Variants in SEC22C observed in about 807,000 individuals in gnomAD.
The protein encoded by SEC22C is SEC22 homolog C, vesicle trafficking protein.
Under a neutral mutation model 34.7 loss-of-function variants are expected in SEC22C, and 29 were observed. That is an observed-to-expected ratio of 0.84 (90% confidence interval 0.62 to 1.14). SEC22C has a LOEUF of 1.14. Among genes scored for constraint, SEC22C ranks in the 50% most tolerant of loss-of-function variants. The probability of loss-of-function intolerance (pLI) is 0.00; values close to 1 mark genes in which losing one functional copy is unlikely to be tolerated. For synonymous variants in SEC22C, 117 were observed against 132.8 expected (o/e 0.88, Z 0.82); for missense variants, 337 against 369.0 (o/e 0.91, Z 0.71).
intron 1 of SEC22C, among the ~76,000 whole-genome samples, chr3:42,596,569 G>A (rs749008692): frequency 2.0e-5 from 3 of 152,228 alleles, no homozygotes; most frequent in Non-Finnish European, 2.9e-5. Context: ...GGAAGAGATG[G>A]AGGAGGTGTC....
intron 1 of SEC22C, among the ~76,000 whole-genome samples, chr3:42,598,220 A>G (rs2125744362): frequency 6.6e-6 from 1 of 152,362 alleles, no homozygotes; most frequent in East Asian, 1.9e-4. Flanking sequence ...TGATATACAC[A>G]TACAATGGAA....
intron 1 of SEC22C, among the ~76,000 whole-genome samples, chr3:42,575,833 C>T (rs1703927549): frequency 6.6e-6 from 1 of 152,154 alleles, no homozygotes; most frequent in Non-Finnish European, 1.5e-5. Context: ...GAAGACCCCA[C>T]AGAATAGGCT....
intron 1 of SEC22C, among the ~76,000 whole-genome samples, chr3:42,576,325 A>C (rs1703959358): frequency 6.6e-6 from 1 of 152,176 alleles, no homozygotes; most frequent in Non-Finnish European, 1.5e-5. Context: ...AACTTAAATC[A>C]CAAACATGGA....
chr3:42,591,034 A>G, intron 1 of SEC22C: 1 of 1,512,878 alleles, frequency 6.6e-7, no homozygotes, highest in African/African-American at 1.4e-5. Context: ...GCGGGGTGCG[A>G]GAAGCATCCT....
At position 42,548,380 on chromosome 3, in the gene SEC22C, G is replaced by A. The variant is rs1702089294; in HGVS notation, c.*4868C>T. 1.7e-6 allele frequency: 1 copy of A among 580,606 alleles called. No individual in the cohort carries two copies. The highest frequency in any genetic ancestry group is 3.1e-6 in the Non-Finnish European group (1 of 324,308). The allele number at this position is 580,606 out of a possible 1,614,324, so 36.0% of individuals were successfully genotyped here. ...GGTCATATGTACTAAGCATGGGTCA[G>A]AGGAATAGAATGGATTTGTTAATTT... On this transcript the variant is annotated 3_prime_UTR_variant, in exon 7 of 7. Coordinates refer to ENST00000264454, the MANE Select transcript of SEC22C (RefSeq NM_032970.4).
chr3:42,596,346 T>G (rs1418474649), intron 1 of SEC22C, among the ~76,000 whole-genome samples: 1 of 152,160 alleles, frequency 6.6e-6, no homozygotes, highest in African/African-American at 2.4e-5. Context: ...TCTAGAAAAT[T>G]ATTTTGTCTG....
At chr3:42,574,818 A>G (rs1346782492) in intron 1 of SEC22C, among the ~76,000 whole-genome samples, 1 of 152,082 alleles carries the variant, frequency 6.6e-6, no homozygotes, top group Non-Finnish European at 1.5e-5. Flanking sequence ...TAGATTATAA[A>G]ATGAAATTAT....
intron 1 of SEC22C, among the ~76,000 whole-genome samples, chr3:42,579,270 T>C (rs1430486882): frequency 7.2e-6 from 1 of 139,464 alleles, no homozygotes; most frequent in African/African-American, 2.7e-5. Flanking sequence ...AGAGCAAAAC[T>C]CCATCTCAAA....
chr3:42,588,273 T>A (rs1704690894), intron 1 of SEC22C, among the ~76,000 whole-genome samples: 1 of 151,352 alleles, frequency 6.6e-6, no homozygotes, highest in Non-Finnish European at 1.5e-5. Flanking sequence ...GCATGGTGGC[T>A]TATGCCTGTA....
rs770276721 is a variant in SEC22C, at chr3:42,552,585, TA to T, written c.*662del. ...CTGTACCCAAACAGTCCCACCACTA[TA>T]AAAGGTTACATATAAATTAAATAAA... On this transcript the variant is annotated 3_prime_UTR_variant, in exon 7 of 7. Coordinates refer to ENST00000264454, the MANE Select transcript of SEC22C (RefSeq NM_032970.4). 13 of 980,402 alleles carry T rather than the reference TA, an allele frequency of 1.3e-5. No homozygotes were observed. Among genetic ancestry groups the T allele is most frequent in the African/African-American group, 5.3e-5 (3 of 57,102 alleles). 60.7% of individuals were successfully genotyped at this position (980,402 alleles called of 1,614,324 possible).
At chr3:42,598,901 C>T (rs916383848) in intron 1 of SEC22C, among the ~76,000 whole-genome samples, 1 of 134,546 alleles carries the variant, frequency 7.4e-6, no homozygotes, top group Non-Finnish European at 1.7e-5. Flanking sequence ...GCAACTTTCA[C>T]ATAATGTGTA....
In SEC22C at chr3:42,591,716, G is replaced by C. The variant is rs928285150; in HGVS notation, c.-28+9244C>G. On this transcript the variant is annotated intron_variant, in intron 1 of 6. Transcript: ENST00000417572. ...ATTGATCGCAGTTAAGCCCCTCTTTGAACTGAGGAAAGAGAGGCTCAAAGA... is the reference window on the plus strand; with the variant it reads ...ATTGATCGCAGTTAAGCCCCTCTTTCAACTGAGGAAAGAGAGGCTCAAAGA... 1.6e-5 allele frequency: 12 copies of C among 762,124 alleles called. No homozygotes were observed. The Admixed American group carries it at 2.5e-4, about 16-fold the overall frequency. 47.2% of individuals were successfully genotyped at this position (762,124 alleles called of 1,614,324 possible). A position where few individuals can be genotyped will look rare whatever the true frequency, so the allele number is the denominator to read the frequency against.
At chr3:42,557,797 C>T in intron 4 of SEC22C, 101 bp from the exon 5 acceptor site, 1 of 575,382 alleles carries the variant, frequency 1.7e-6, no homozygotes. Context: ...GATAGGTTCA[C>T]TATGTTAAAC....
At chr3:42,575,947 A>G (rs1305523373) in intron 1 of SEC22C, among the ~76,000 whole-genome samples, 1 of 152,218 alleles carries the variant, frequency 6.6e-6, no homozygotes, top group African/African-American at 2.4e-5. Flanking sequence ...ATGTCTACCA[A>G]GATAGACCAT....
chr3:42,551,433 CT>C lies in SEC22C; in HGVS notation c.*1814del, dbSNP rs1170299431. On this transcript the variant is annotated 3_prime_UTR_variant, in exon 7 of 7. Coordinates refer to ENST00000264454, the MANE Select transcript of SEC22C (RefSeq NM_032970.4). ...TATAGCTCATGGAAGCCTCAAACTC[CT>C]GGACTCAAGGGATCCTCCTGCCTCA... is the stretch of plus-strand genomic sequence containing the variant. 1.3e-6 allele frequency: 1 copy of C among 770,472 alleles called. No individual in the cohort carries two copies. The highest frequency in any genetic ancestry group is 6.2e-5 in the Admixed American group (1 of 16,022). The allele number at this position is 770,472 out of a possible 1,614,324, so 47.7% of individuals were successfully genotyped here.
At chr3:42,554,975 AAACAACAAC>A (rs200523696) in intron 6 of SEC22C, among the ~76,000 whole-genome samples, 1 of 145,902 alleles carries the variant, frequency 6.9e-6, no homozygotes, top group Non-Finnish European at 1.5e-5. Flanking sequence ...TTACTATTTA[AAACAACAAC>A]AACAACAACA....
chr3:42,599,116 C>T (rs565654054), intron 1 of SEC22C, among the ~76,000 whole-genome samples: 1 of 151,712 alleles, frequency 6.6e-6, no homozygotes, highest in South Asian at 2.1e-4. Context: ...CGGGCGACCG[C>T]CACCACGCCC....
At chr3:42,559,308 A>G (rs1235246353) in intron 4 of SEC22C, among the ~76,000 whole-genome samples, 1 of 152,250 alleles carries the variant, frequency 6.6e-6, no homozygotes, top group African/African-American at 2.4e-5. Flanking sequence ...GCCTCAGGAC[A>G]ATAGGGTAAA....
chr3:42,560,894 C>T (rs924123717), intron 4 of SEC22C, among the ~76,000 whole-genome samples: 1 of 152,060 alleles, frequency 6.6e-6, no homozygotes, highest in African/African-American at 2.4e-5. Flanking sequence ...CCTGACTTGG[C>T]CTCCCAAAGT....
Sources: allele counts gnomAD v4.1 joint callset (sites outside exome capture counted in the v4.1 genomes callset), GRCh38; gene constraint gnomAD v4.1.1; transcripts MANE v1.5; gene names NCBI Gene and HGNC (gene_info 2026-07-23, HGNC 2026-07-21).